The following C12orf54 variants were observed in gnomAD, a reference collection of about 807,000 sequenced individuals.
C12orf54 encodes uncharacterized protein C12orf54.
C12orf54 carries 24 observed loss-of-function variants against 26.4 expected under a neutral mutation model. That is an observed-to-expected ratio of 0.91 (90% CI 0.66 to 1.28). C12orf54 has a LOEUF of 1.28. Among genes scored for constraint, C12orf54 ranks in the 50% most tolerant of loss-of-function variants. The pLI, the probability that C12orf54 is intolerant of heterozygous loss-of-function variation, is 0.00. For synonymous variants in C12orf54, 54 were observed against 47.0 expected, an observed-to-expected ratio of 1.15 and a Z score of -0.61; for missense variants, 154 against 150.9, an observed-to-expected ratio of 1.02 and a Z score of -0.11.
the C12orf54 span, among the ~76,000 whole-genome samples, chr12:48,461,945 TGA>T: frequency 1.3e-5 from 2 of 151,528 alleles, no homozygotes; most frequent in Non-Finnish European, 3.0e-5. Flanking sequence ...GCTGATCCTT[TGA>T]GATGAATAAA....
chr12:48,466,291 C>T, the C12orf54 span, among the ~76,000 whole-genome samples: 1 of 152,150 alleles, frequency 6.6e-6, no homozygotes, highest in Non-Finnish European at 1.5e-5. Flanking sequence ...TGCCTGTAAT[C>T]CCAACACTTT....
chr12:48,438,741 T>C, the C12orf54 span, among the ~76,000 whole-genome samples: 1 of 152,180 alleles, frequency 6.6e-6, no homozygotes, highest in Non-Finnish European at 1.5e-5. Flanking sequence ...TTACATCTTA[T>C]ACAAAAATTA....
chr12:48,416,277 T>C, the C12orf54 span, among the ~76,000 whole-genome samples: 2 of 152,302 alleles, frequency 1.3e-5, no homozygotes, highest in African/African-American at 2.4e-5. Context: ...CCTGACATCA[T>C]GGTCTAAAAG....
At chr12:48,420,590 G>T in the C12orf54 span, among the ~76,000 whole-genome samples, 1 of 152,152 alleles carries the variant, frequency 6.6e-6, no homozygotes, top group Non-Finnish European at 1.5e-5. Context: ...CTATCTCCCA[G>T]TCTCTGTGGG....
At chr12:48,456,698 A>G in the C12orf54 span, among the ~76,000 whole-genome samples, 2 of 152,196 alleles carry the variant, frequency 1.3e-5, no homozygotes, top group African/African-American at 4.8e-5. Context: ...AACATTTAGC[A>G]TATTGTCTAG....
intron 5 of C12orf54, 184 bp downstream of exon 5, chr12:48,489,140 C>A: frequency 1.3e-6 from 1 of 759,482 alleles, no homozygotes; most frequent in Non-Finnish European, 2.4e-6. Context: ...CAAGAAGATG[C>A]CTAACAGTTC....
At chr12:48,424,311 C>A in the C12orf54 span, among the ~76,000 whole-genome samples, 8 of 152,028 alleles carry the variant, frequency 5.3e-5, no homozygotes, top group African/African-American at 1.9e-4. Context: ...GTTTTCTATT[C>A]TTGTATGTTT....
At chr12:48,461,745 A>G in the C12orf54 span, among the ~76,000 whole-genome samples, 8 of 151,900 alleles carry the variant, frequency 5.3e-5, no homozygotes, top group Non-Finnish European at 7.4e-5. Flanking sequence ...CAAATTTCCC[A>G]TCAATTTAGA....
the C12orf54 span, among the ~76,000 whole-genome samples, chr12:48,437,542 G>A: frequency 1.3e-5 from 2 of 152,170 alleles, no homozygotes; most frequent in Middle Eastern, 3.2e-3. Flanking sequence ...ACATCAAAAA[G>A]TTTATCCACC....
chr12:48,490,502 A>G (rs549815842), intron 5 of C12orf54, among the ~76,000 whole-genome samples: 1 of 152,192 alleles, frequency 6.6e-6, no homozygotes. Flanking sequence ...AAAATGCAAA[A>G]ATTAGTCAGA....
At chr12:48,471,736 G>A in the C12orf54 span, among the ~76,000 whole-genome samples, 1 of 152,084 alleles carries the variant, frequency 6.6e-6, no homozygotes, top group South Asian at 2.1e-4. Flanking sequence ...TGCTGTTTTG[G>A]TTACTATAGC....
chr12:48,472,975 G>T, the C12orf54 span: 3 of 1,614,106 alleles, frequency 1.9e-6, no homozygotes, highest in Non-Finnish European at 2.5e-6. Context: ...AAAGACCTCA[G>T]CACAATAGAG....
intron 2 of C12orf54, among the ~76,000 whole-genome samples, chr12:48,484,179 G>A (rs9705570): frequency 0.15 from 22,255 of 152,192 alleles, 2,849 homozygotes; most frequent in East Asian, 0.66. Flanking sequence ...TGGGCAATAA[G>A]AGCGAAACAA....
At chr12:48,413,965 C>T in the C12orf54 span, among the ~76,000 whole-genome samples, 1 of 152,210 alleles carries the variant, frequency 6.6e-6, no homozygotes, top group Non-Finnish European at 1.5e-5. Flanking sequence ...TTCCATCCAG[C>T]TCCCCATCTA....
chr12:48,493,201 GA>G (rs1937829742), intron 7 of C12orf54, among the ~76,000 whole-genome samples: 1 of 152,158 alleles, frequency 6.6e-6, no homozygotes, highest in Non-Finnish European at 1.5e-5. Flanking sequence ...AGCCCCATTA[GA>G]AATCCCTGAA....
At chr12:48,460,718 G>A in the C12orf54 span, among the ~76,000 whole-genome samples, 1 of 152,096 alleles carries the variant, frequency 6.6e-6, no homozygotes, top group Non-Finnish European at 1.5e-5. Flanking sequence ...AAGTCTACTT[G>A]AAGGTAGACT....
intron 7 of C12orf54, 67 bp downstream of exon 7, chr12:48,493,062 A>T: frequency 7.1e-7 from 1 of 1,411,642 alleles, no homozygotes; most frequent in Non-Finnish European, 1.0e-6. Flanking sequence ...TGTGCTGGCC[A>T]TGAATATAGC....
chr12:48,488,953 G>A lies in C12orf54; in HGVS notation c.165G>A (p.Lys55=). The change falls in exon 5 of 9, where the codon AAG becomes AAA. Residue 55 remains lysine (K), a synonymous_variant. Coordinates refer to ENST00000548364, the MANE Select transcript of C12orf54 (RefSeq NM_152319.4). ...QVLTVFKDIQ[K]ELQEDARIRG... ...TGACAGTTTTTAAGGATATACAAAA[G>A]GAGGTGAGATTAGATTTTGATTCTC... 1.2e-6 allele frequency: 2 copies of A among 1,611,596 alleles called. No homozygotes were observed. The highest frequency in any genetic ancestry group is 1.7e-6 in the Non-Finnish European group (2 of 1,178,094).
chr12:48,454,110 T>C, the C12orf54 span, among the ~76,000 whole-genome samples: 1 of 148,084 alleles, frequency 6.8e-6, no homozygotes, highest in East Asian at 2.0e-4. Context: ...TTTTTTTTTT[T>C]TTTTTTGAGA....
Sources: gnomAD v4.1 joint callset for allele counts (sites outside exome capture counted in the v4.1 genomes callset) on GRCh38, gnomAD v4.1.1 for gene constraint, MANE v1.5 for transcripts, NCBI Gene and HGNC (gene_info 2026-07-23, HGNC 2026-07-21) for gene names.